Variants in PRPF39 observed in about 807,000 individuals in gnomAD.
The protein encoded by PRPF39 is pre-mRNA-processing factor 39.
PRPF39 carries 27 observed loss-of-function variants against 82.1 expected under a neutral mutation model. The observed-to-expected ratio is 0.33, with a 90% CI of 0.24 to 0.45. The LOEUF (loss-of-function observed/expected upper bound fraction) is 0.45, where lower values mean the gene tolerates loss of function less well. PRPF39 is among the 20% of genes least tolerant of loss of function. The pLI, the probability that PRPF39 is intolerant of heterozygous loss-of-function variation, is 1.00. For synonymous variants in PRPF39, 261 were observed against 256.4 expected (o/e 1.02, Z -0.17); for missense variants, 581 against 796.9 (o/e 0.73, Z 3.26).
In PRPF39 at chr14:45,107,519, G is replaced by A. The variant is rs1245078980; in HGVS notation, c.806G>A (p.Arg269Gln). Residue 269 changes from arginine to glutamine, a missense_variant, in exon 6 of 14, where the codon CGA becomes CAA. By Grantham distance (43) the Arg-to-Gln change is conservative. Coordinates refer to ENST00000355765, the MANE Select transcript of PRPF39 (RefSeq NM_017922.4). Reference protein sequence around the residue: ...LLTGEQFIQLRRELASVNGHS... With the variant: ...LLTGEQFIQLQRELASVNGHS... ...ACTGGTGAACAGTTTATTCAGTTGC[G>A]AAGGGAATTAGCTTCTGTAAATGGT... The A allele has an allele frequency of 6.4e-7, 1 of 1,562,210 alleles. No individual in the cohort carries two copies. The highest frequency in any genetic ancestry group is 8.7e-7 in the Non-Finnish European group (1 of 1,150,940).
intron 1 of PRPF39, among the ~76,000 whole-genome samples, chr14:45,087,834 G>A (rs539939813): frequency 2.7e-4 from 39 of 145,848 alleles, no homozygotes; most frequent in African/African-American, 9.9e-4. Flanking sequence ...TGATCCGCCC[G>A]CCTCAGCCTC....
At chr14:45,097,116 TA>T in intron 4 of PRPF39, 111 bp downstream of exon 4, 3 of 1,376,592 alleles carry the variant, frequency 2.2e-6, no homozygotes, top group South Asian at 1.7e-5. Flanking sequence ...ATTCCATTGT[TA>T]AAAAAATGAT....
At chr14:45,109,858 T>G in intron 8 of PRPF39, 78 bp downstream of exon 8, 3 of 1,522,914 alleles carry the variant, frequency 2.0e-6, no homozygotes, top group Non-Finnish European at 2.6e-6. Context: ...GTACTTCTGT[T>G]GAATGTTGTT....
At chr14:45,089,737 G>C (rs1393148389) in intron 1 of PRPF39, among the ~76,000 whole-genome samples, 1 of 152,082 alleles carries the variant, frequency 6.6e-6, no homozygotes, top group African/African-American at 2.4e-5. Flanking sequence ...TAGCTATTCT[G>C]TACCCTTTCC....
chr14:45,087,557 AGAC>A lies in PRPF39; in HGVS notation c.-20+3309_-20+3311del, dbSNP rs1305780529. On this transcript the variant is annotated intron_variant, in intron 1 of 13. Coordinates refer to ENST00000355765, the MANE Select transcript of PRPF39 (RefSeq NM_017922.4). Reference sequence around the variant, plus strand: ...CAGAGTTCCCTAATGAGTAGCCAGAAGACTGTTTTTTTTTTGTTTTGTTTTGTT... The same window carrying A: ...CAGAGTTCCCTAATGAGTAGCCAGAATGTTTTTTTTTTGTTTTGTTTTGTT... Among the ~76,000 whole-genome samples the A allele has an allele frequency of 2.6e-5, 4 of 151,086 alleles. No homozygotes were observed. The East Asian group carries it at 5.9e-4, about 22-fold the overall frequency.
Position 45,112,395 on chromosome 14 carries a change from A to G in PRPF39, c.1650A>G (p.Leu550=), listed in dbSNP as rs375913700. 2.7e-5 allele frequency: 43 copies of G among 1,580,684 alleles called. No individual in the cohort carries two copies. The African/African-American group carries it at 5.2e-4, about 19-fold the overall frequency. ...GDLKQNEENI[L]NCFDKAVHGS... Reference sequence around the variant, plus strand: ...TCAAACAAAATGAAGAAAATATCCTAAATTGTTTTGACAAAGCTGTACATG... The same window carrying G: ...TCAAACAAAATGAAGAAAATATCCTGAATTGTTTTGACAAAGCTGTACATG... Residue 550 remains leucine, a synonymous_variant, in exon 11 of 14, where the codon CTA becomes CTG. Transcript: ENST00000355765.
At chr14:45,090,427 T>G (rs1005650443) in intron 1 of PRPF39, among the ~76,000 whole-genome samples, 2 of 152,324 alleles carry the variant, frequency 1.3e-5, no homozygotes, top group African/African-American at 4.8e-5. Context: ...TATGGCTCCA[T>G]GCTACTTTGC....
In PRPF39 at chr14:45,110,859, C is replaced by G; in HGVS notation, c.1572+42C>G. 1 of 1,492,184 alleles carries G rather than the reference C, an allele frequency of 6.7e-7. No homozygotes were observed. Among genetic ancestry groups the G allele is most frequent in the Non-Finnish European group, 9.0e-7 (1 of 1,106,254 alleles). 92.4% of individuals were successfully genotyped at this position (1,492,184 alleles called of 1,614,324 possible). A position where few individuals can be genotyped will look rare whatever the true frequency, so the allele number is the denominator to read the frequency against. On this transcript the variant is annotated intron_variant, in intron 10 of 13. Coordinates refer to ENST00000355765, the MANE Select transcript of PRPF39 (RefSeq NM_017922.4). The surrounding 1 kb of genome is among the most constrained non-coding windows in gnomAD (Gnocchi z 4.0). ...TTAAGAGTATCTTCTATTAAAAAAA[C>G]CAGTGGTCAGTGTATTTTCACTGTG...
rs1355732500 is a variant in PRPF39, at chr14:45,107,599, A to T, written c.886A>T (p.Ile296Leu). The T allele has an allele frequency of 1.3e-6, 2 of 1,552,210 alleles. No homozygotes were observed. The highest frequency in any genetic ancestry group is 4.9e-5 in the East Asian group (2 of 40,926). The change falls in exon 6 of 14, where the codon ATA becomes TTA. Residue 296 changes from isoleucine (I) to leucine (L), a missense_variant. Transcript: ENST00000355765. ...GDDLPSGIED[I>L]TDPAKLITEI... ...TGATCTACCATCGGGAATTGAAGAC[A>T]TAACCGATCCTGCAAAGGTAACCAG...
intron 1 of PRPF39, among the ~76,000 whole-genome samples, chr14:45,086,090 C>A (rs1199220931): frequency 6.6e-6 from 1 of 152,056 alleles, no homozygotes; most frequent in African/African-American, 2.4e-5. Flanking sequence ...ATTACAGATG[C>A]GCGCCACCAC....
chr14:45,116,158 T>C lies in PRPF39; in HGVS notation c.*1245T>C. 1 of 1,454,356 alleles carries C rather than the reference T, an allele frequency of 6.9e-7. No individual in the cohort carries two copies. Among genetic ancestry groups the C allele is most frequent in the Non-Finnish European group, 9.6e-7 (1 of 1,039,174 alleles). The allele number at this position is 1,454,356 out of a possible 1,614,324, so 90.1% of individuals were successfully genotyped here. ...TAAATTTCTTCAAGGCCAAGTTTTA[T>C]CATTGTTGCTAATATCCTTAGAGCT... On this transcript the variant is annotated 3_prime_UTR_variant, in exon 14 of 14. Coordinates refer to ENST00000355765, the MANE Select transcript of PRPF39 (RefSeq NM_017922.4).
chr14:45,102,828 T>TCAAAA, intron 5 of PRPF39, 132 bp downstream of exon 5: 1 of 893,240 alleles, frequency 1.1e-6, no homozygotes, highest in Non-Finnish European at 1.6e-6. Context: ...TTGTTGCTAA[T>TCAAAA]CACAACCTAC....
At position 45,110,949 on chromosome 14, in the gene PRPF39, C is replaced by T; in HGVS notation, c.1572+132C>T. 1.1e-6 allele frequency: 1 copy of T among 893,008 alleles called. No homozygotes were observed. The highest frequency in any genetic ancestry group is 1.7e-5 in the African/African-American group (1 of 59,100). 55.3% of individuals were successfully genotyped at this position (893,008 alleles called of 1,614,324 possible). ...TTATTACTAAATGAGGACAACAGTC[C>T]CTCTAAACTGATGTTGCCATTTAAA... On this transcript the variant is annotated intron_variant, in intron 10 of 13. Coordinates refer to ENST00000355765, the MANE Select transcript of PRPF39 (RefSeq NM_017922.4). The surrounding 1 kb of genome is among the most constrained non-coding windows in gnomAD (Gnocchi z 4.0).
rs773214799 is a variant in PRPF39, at chr14:45,109,699, A to C, written c.1095A>C (p.Glu365Asp). The C allele has an allele frequency of 2.5e-6, 4 of 1,609,106 alleles. No homozygotes were observed. The highest frequency in any genetic ancestry group is 1.7e-4 in the Middle Eastern group (1 of 6,052). The change falls in exon 8 of 14, where the codon GAA becomes GAC. Residue 365 changes from glutamate to aspartate, a missense_variant. Transcript: ENST00000355765. ...NWKEYLEFEI[E>D]NGTHERVVVL... ...AAGAATACTTAGAATTTGAAATTGA[A>C]AATGGGACTCATGAACGAGTTGTGG...
At chr14:45,086,965 A>G (rs1456418701) in intron 1 of PRPF39, among the ~76,000 whole-genome samples, 1 of 151,072 alleles carries the variant, frequency 6.6e-6, no homozygotes, top group Non-Finnish European at 1.5e-5. Context: ...GTGTGCATTC[A>G]CTGTGGTATA....
intron 11 of PRPF39, among the ~76,000 whole-genome samples, chr14:45,113,788 C>T (rs1884761520): frequency 6.6e-6 from 1 of 152,160 alleles, no homozygotes; most frequent in South Asian, 2.1e-4. Flanking sequence ...CTAAAAGTAA[C>T]ATCTGCTTGA....
chr14:45,110,682 G>A lies in PRPF39; in HGVS notation c.1437G>A (p.Gln479=), dbSNP rs767948473. The change falls in exon 10 of 14, where the codon CAG becomes CAA. Residue 479 remains glutamine, a synonymous_variant. Transcript: ENST00000355765. The surrounding 1 kb of genome is among the most constrained non-coding windows in gnomAD (Gnocchi z 4.0). The part of the protein sequence containing the change: ...GNLEEAEHLL[Q]DAIKNAKSNN... ...TGGAAGAAGCTGAACATTTGCTTCA[G>A]GATGCCATTAAGAATGCCAAATCAA... 3.8e-6 allele frequency: 6 copies of A among 1,576,126 alleles called. No homozygotes were observed. Among genetic ancestry groups the A allele is most frequent in the Non-Finnish European group, 5.2e-6 (6 of 1,159,502 alleles).
At position 45,102,605 on chromosome 14, in the gene PRPF39, G is replaced by A. The variant is rs1236667048; in HGVS notation, c.646G>A (p.Glu216Lys). 1.2e-6 allele frequency: 2 copies of A among 1,611,506 alleles called. No individual in the cohort carries two copies. The highest frequency in any genetic ancestry group is 1.7e-6 in the Non-Finnish European group (2 of 1,178,322). The change falls in exon 5 of 14, where the codon GAA (glutamate) becomes AAA (lysine). Residue 216 changes from glutamate to lysine, a missense_variant. Transcript: ENST00000355765. Reference sequence around the variant, plus strand: ...ACTGTGGGAAATGTATATAAACTGGGAAAATGAGCAGGGAAACCTGAGAGA... The same window carrying A: ...ACTGTGGGAAATGTATATAAACTGGAAAAATGAGCAGGGAAACCTGAGAGA... Reference protein sequence around the residue: ...DRLWEMYINWENEQGNLREVT... With the variant: ...DRLWEMYINWKNEQGNLREVT...
At chr14:45,102,791 TTTA>T in intron 5 of PRPF39, 95 bp downstream of exon 5, 2 of 1,228,552 alleles carry the variant, frequency 1.6e-6, no homozygotes, top group Non-Finnish European at 2.2e-6. Context: ...TATGTAAGCT[TTTA>T]TTATGTGGAA....
Sources: allele counts gnomAD v4.1 joint callset (sites outside exome capture counted in the v4.1 genomes callset), GRCh38; gene constraint gnomAD v4.1.1; non-coding constraint Gnocchi (gnomAD v3.1); transcripts MANE v1.5; gene names NCBI Gene and HGNC (gene_info 2026-07-23, HGNC 2026-07-21).